Variants in MARCHF8 observed in about 807,000 individuals in gnomAD.
MARCHF8 encodes the protein membrane associated ring-CH-type finger 8.
Under a neutral mutation model 51.6 loss-of-function variants are expected in MARCHF8, and 40 were observed. The ratio of observed to expected loss-of-function variants is 0.77; its 90% CI spans 0.60 to 1.01. The LOEUF is 1.01. MARCHF8 is among the 50% of genes least tolerant of loss of function. The pLI is 0.00. For synonymous variants in MARCHF8, 263 were observed against 280.3 expected (o/e 0.94, Z 0.62); for missense variants, 685 against 708.6 (o/e 0.97, Z 0.38).
intron 3 of MARCHF8, among the ~76,000 whole-genome samples, chr10:45,472,921 T>C (rs2042720303): frequency 6.6e-6 from 1 of 152,226 alleles, no homozygotes; most frequent in South Asian, 2.1e-4. Flanking sequence ...TAGGAATAAA[T>C]ATCCTGTTTT....
At chr10:45,540,466 T>C (rs1323174534) in intron 1 of MARCHF8, among the ~76,000 whole-genome samples, 1 of 152,114 alleles carries the variant, frequency 6.6e-6, no homozygotes, top group Admixed American at 6.6e-5. Flanking sequence ...ATAAAAACCC[T>C]AGAAGAAAAC....
At chr10:45,469,996 A>T (rs574504054) in intron 3 of MARCHF8, among the ~76,000 whole-genome samples, 2 of 152,314 alleles carry the variant, frequency 1.3e-5, no homozygotes, top group Middle Eastern at 3.4e-3. Context: ...TAAAAGAAGA[A>T]GATGGCTAAA....
intron 1 of MARCHF8, among the ~76,000 whole-genome samples, chr10:45,586,136 T>G (rs574158315): frequency 1.6e-4 from 25 of 152,292 alleles, no homozygotes; most frequent in African/African-American, 4.8e-4. Context: ...ATAAAAAGTG[T>G]ATACGTAGTA....
At chr10:45,469,668 A>G (rs1443572769) in intron 3 of MARCHF8, among the ~76,000 whole-genome samples, 1 of 151,968 alleles carries the variant, frequency 6.6e-6, no homozygotes, top group East Asian at 1.9e-4. Context: ...GATCGAGACC[A>G]TCCTGGCTAA....
chr10:45,591,679 T>C (rs1369584331), intron 1 of MARCHF8, among the ~76,000 whole-genome samples: 1 of 152,174 alleles, frequency 6.6e-6, no homozygotes, highest in African/African-American at 2.4e-5. Context: ...GTCTTTCTAA[T>C]ACAGAAAGAC....
chr10:45,533,894 T>C (rs1356165626), intron 1 of MARCHF8, among the ~76,000 whole-genome samples: 1 of 152,096 alleles, frequency 6.6e-6, no homozygotes, highest in Admixed American at 6.6e-5. Context: ...ATAGAGAGCA[T>C]GTAAATGGGC....
intron 2 of MARCHF8, among the ~76,000 whole-genome samples, chr10:45,512,396 C>T (rs567865900): frequency 3.8e-4 from 54 of 141,262 alleles, no homozygotes; most frequent in African/African-American, 1.3e-3. Context: ...GGAGGGAGGT[C>T]GGGGGGTCAG....
chr10:45,495,512 T>A (rs2043157800), intron 2 of MARCHF8, among the ~76,000 whole-genome samples: 1 of 152,132 alleles, frequency 6.6e-6, no homozygotes, highest in African/African-American at 2.4e-5. Flanking sequence ...ATTCAATGAA[T>A]GCAGGAAGAA....
At chr10:45,537,883 C>T (rs2043995859), upstream of MARCHF8, among the ~76,000 whole-genome samples, 1 of 152,010 alleles carries the variant, frequency 6.6e-6, no homozygotes, top group South Asian at 2.1e-4. Context: ...GACTATGGTG[C>T]TGGTTGCAGA....
intron 2 of MARCHF8, among the ~76,000 whole-genome samples, chr10:45,503,008 AAG>A (rs1554811889): frequency 6.6e-6 from 1 of 152,182 alleles, no homozygotes; most frequent in Admixed American, 6.5e-5. Flanking sequence ...CTGTAACAGA[AAG>A]GGGGAAAGTG....
At position 45,481,168 on chromosome 10, in the gene MARCHF8, T is replaced by C. The variant is rs918946751; in HGVS notation, c.153+8199A>G. Reference sequence around the variant, plus strand: ...TTTAGCCCCTTCATTTTGGCCAGTTTCTCCCATTTGGAATGAGTGTATTTA... The same window carrying C: ...TTTAGCCCCTTCATTTTGGCCAGTTCCTCCCATTTGGAATGAGTGTATTTA... On this transcript the variant is annotated intron_variant, in intron 3 of 7. Coordinates refer to ENST00000453424, the MANE Select transcript of MARCHF8 (RefSeq NM_001282866.2). Among the ~76,000 whole-genome samples the C allele has an allele frequency of 4.6e-5, 7 of 152,346 alleles. No individual in the cohort carries two copies. The East Asian group carries it at 1.4e-3, about 29-fold the overall frequency.
At chr10:45,553,840 C>T (rs1413837874) in intron 1 of MARCHF8, among the ~76,000 whole-genome samples, 2 of 152,052 alleles carry the variant, frequency 1.3e-5, no homozygotes, top group African/African-American at 4.8e-5. Flanking sequence ...CATGCACACA[C>T]ACACACACAC....
intron 2 of MARCHF8, among the ~76,000 whole-genome samples, chr10:45,491,802 T>G (rs1427032285): frequency 6.6e-6 from 1 of 152,196 alleles, no homozygotes; most frequent in African/African-American, 2.4e-5. Flanking sequence ...CCTTGGATTA[T>G]CTGTACAGAA....
rs1164123102 is a variant in MARCHF8 at position 45,461,355 on chromosome 10, G to A, written c.1145C>T (p.Thr382Ile). The change falls in exon 6 of 8, where the codon ACA (threonine) becomes ATA (isoleucine). Residue 382 changes from threonine to isoleucine, a missense_variant. By Grantham distance (89) the Thr-to-Ile change is moderately conservative (BLOSUM62 -1). Coordinates refer to ENST00000453424, the MANE Select transcript of MARCHF8 (RefSeq NM_001282866.2). Reference protein sequence around the residue: ...ESPLITPCHCTGSLHFVHQAC... With the variant: ...ESPLITPCHCIGSLHFVHQAC... Reference sequence around the variant, plus strand: ...CTGGTGCACGAAGTGGAGGCTTCCTGTGCAGTGGCAGGGGGTGATCAGGGG... The same window carrying A: ...CTGGTGCACGAAGTGGAGGCTTCCTATGCAGTGGCAGGGGGTGATCAGGGG... 6.2e-7 allele frequency: 1 copy of A among 1,606,228 alleles called. No individual in the cohort carries two copies. Among genetic ancestry groups the A allele is most frequent in the South Asian group, 1.1e-5 (1 of 89,948 alleles).
chr10:45,555,060 T>A (rs763390781), intron 1 of MARCHF8, among the ~76,000 whole-genome samples: 1 of 149,756 alleles, frequency 6.7e-6, no homozygotes, highest in African/African-American at 2.5e-5. Context: ...TCTCCAAAAA[T>A]AAAAATAAGA....
intron 1 of MARCHF8, among the ~76,000 whole-genome samples, chr10:45,566,784 G>T (rs890270625): frequency 6.7e-6 from 1 of 149,162 alleles, no homozygotes; most frequent in Non-Finnish European, 1.5e-5. Flanking sequence ...GGGGGGAGGG[G>T]GGGAGGGTAT....
chr10:45,524,012 T>G (rs117394098), intron 2 of MARCHF8, among the ~76,000 whole-genome samples: 1 of 152,204 alleles, frequency 6.6e-6, no homozygotes, highest in Non-Finnish European at 1.5e-5. Flanking sequence ...GGAATCGATA[T>G]TGTTGGCTTT....
chr10:45,462,634 G>GTA (rs1776033197), intron 5 of MARCHF8, among the ~76,000 whole-genome samples: 1 of 145,126 alleles, frequency 6.9e-6, no homozygotes, highest in Non-Finnish European at 1.5e-5. Flanking sequence ...GTTTTGTTTT[G>GTA]TTTTTTTTTA....
intron 3 of MARCHF8, among the ~76,000 whole-genome samples, chr10:45,479,252 A>G (rs547583384): frequency 6.6e-6 from 1 of 152,360 alleles, no homozygotes; most frequent in African/African-American, 2.4e-5. Flanking sequence ...CCATATGATC[A>G]TCTCAATAGA....
Sources: gnomAD v4.1 joint callset for allele counts (sites outside exome capture counted in the v4.1 genomes callset) on GRCh38, gnomAD v4.1.1 for gene constraint, MANE v1.5 for transcripts, NCBI Gene and HGNC (gene_info 2026-07-23, HGNC 2026-07-21) for gene names.